Variants in OSBPL9 observed in about 807,000 individuals in gnomAD.
OSBPL9 encodes the protein oxysterol-binding protein-related protein 9.
Under a neutral mutation model 106.6 loss-of-function variants are expected in OSBPL9, and 40 were observed. That is an observed-to-expected ratio of 0.38 (90% CI 0.29 to 0.49). OSBPL9 has a LOEUF of 0.49. Among genes scored for constraint, OSBPL9 ranks in the 20% least tolerant of loss-of-function variants. The probability of loss-of-function intolerance (pLI) is 0.97; values close to 1 mark genes in which losing one functional copy is unlikely to be tolerated. For synonymous variants in OSBPL9, 269 were observed against 295.4 expected (o/e 0.91, Z 0.92); for missense variants, 609 against 887.2 (o/e 0.69, Z 3.98).
chr1:51,749,305 A>G (rs908993440), intron 7 of OSBPL9, among the ~76,000 whole-genome samples: 5 of 151,854 alleles, frequency 3.3e-5, no homozygotes, highest in Admixed American at 1.3e-4. Flanking sequence ...CCATACTTCC[A>G]TCAAAGTCTT....
intron 4 of OSBPL9, among the ~76,000 whole-genome samples, chr1:51,720,411 C>T (rs1313407754): frequency 1.3e-5 from 2 of 150,530 alleles, no homozygotes; most frequent in Non-Finnish European, 3.0e-5. Context: ...CTGCAACCTC[C>T]GCCTCCCAGG....
the OSBPL9 span, among the ~76,000 whole-genome samples, chr1:51,562,330 CCCA>C: frequency 2.6e-5 from 4 of 152,054 alleles, no homozygotes; most frequent in Non-Finnish European, 4.4e-5. Context: ...TGCTCCTGCT[CCCA>C]CCGTGTGAGA....
intron 2 of OSBPL9, among the ~76,000 whole-genome samples, chr1:51,601,994 G>A (rs1645326619): frequency 7.6e-6 from 1 of 131,918 alleles, no homozygotes; most frequent in Admixed American, 7.9e-5. Context: ...CCTCAGGCCA[G>A]TCAATTGTTC....
At chr1:51,689,143 T>C (rs1654447121) in intron 3 of OSBPL9, among the ~76,000 whole-genome samples, 1 of 152,234 alleles carries the variant, frequency 6.6e-6, no homozygotes, top group Non-Finnish European at 1.5e-5. Flanking sequence ...GAATAACATC[T>C]GTTTTCAGAA....
chr1:51,708,032 C>A, intron 3 of OSBPL9: 1 of 227,426 alleles, frequency 4.4e-6, no homozygotes, highest in South Asian at 7.5e-5. Flanking sequence ...TAGTTGAGGT[C>A]AAAGAAGGGG....
At chr1:51,550,305 A>G in the OSBPL9 span, among the ~76,000 whole-genome samples, 8,992 of 152,340 alleles carry the variant, frequency 0.059, 385 homozygotes, top group Non-Finnish European at 0.093. Context: ...GAGACTAGCA[A>G]ACTTGCAAAC....
chr1:51,603,307 T>G (rs17106697), intron 2 of OSBPL9, among the ~76,000 whole-genome samples: 7,662 of 152,316 alleles, frequency 0.05, 434 homozygotes, highest in African/African-American at 0.14. Context: ...AAACAAAAAT[T>G]CACAAAACAG....
chr1:51,737,178 G>A (rs771288560), intron 4 of OSBPL9, among the ~76,000 whole-genome samples: 3 of 151,892 alleles, frequency 2.0e-5, no homozygotes, highest in Non-Finnish European at 4.4e-5. Flanking sequence ...TTATAAATTT[G>A]CTATCCTACT....
chr1:51,740,715 A>G (rs1213997499), intron 4 of OSBPL9, among the ~76,000 whole-genome samples: 3 of 152,184 alleles, frequency 2.0e-5, no homozygotes, highest in African/African-American at 4.8e-5. Context: ...ACAATTATTC[A>G]TTTGTGAATT....
At chr1:51,652,854 T>C (rs534547336) in intron 2 of OSBPL9, among the ~76,000 whole-genome samples, 2 of 152,216 alleles carry the variant, frequency 1.3e-5, no homozygotes, top group Non-Finnish European at 2.9e-5. Context: ...AGTATCCCAT[T>C]GTATATGAAG....
At chr1:51,692,888 G>A (rs914995622) in intron 3 of OSBPL9, among the ~76,000 whole-genome samples, 7 of 152,132 alleles carry the variant, frequency 4.6e-5, no homozygotes, top group South Asian at 2.1e-4. Flanking sequence ...GAAGGGATAA[G>A]TACAATAGAG....
At chr1:51,694,390 G>A (rs533372453) in intron 3 of OSBPL9, among the ~76,000 whole-genome samples, 109 of 152,206 alleles carry the variant, frequency 7.2e-4, no homozygotes, top group African/African-American at 2.5e-3. Context: ...TGAGTTGTTC[G>A]GATTGAAGTA....
intron 3 of OSBPL9, among the ~76,000 whole-genome samples, chr1:51,701,012 T>C (rs962920470): frequency 6.6e-6 from 1 of 152,108 alleles, no homozygotes; most frequent in Non-Finnish European, 1.5e-5. Flanking sequence ...CAATCTCGGC[T>C]CACTGCAACC....
intron 3 of OSBPL9, among the ~76,000 whole-genome samples, chr1:51,703,486 T>A (rs1657763285): frequency 1.3e-5 from 2 of 152,258 alleles, no homozygotes; most frequent in Non-Finnish European, 2.9e-5. Context: ...TTTTGCACAT[T>A]GATTTTGTAT....
chr1:51,627,889 T>C (rs1486550232), intron 1 of OSBPL9, among the ~76,000 whole-genome samples: 4 of 152,226 alleles, frequency 2.6e-5, no homozygotes, highest in Non-Finnish European at 5.9e-5. Flanking sequence ...GCTTTGTTGC[T>C]AAACCCAATG....
At chr1:51,593,258 C>T (rs1164612295) in intron 1 of OSBPL9, among the ~76,000 whole-genome samples, 2 of 152,116 alleles carry the variant, frequency 1.3e-5, no homozygotes, top group Admixed American at 6.5e-5. Context: ...TTACAATAGC[C>T]TCCTGGATGG....
intron 1 of OSBPL9, among the ~76,000 whole-genome samples, chr1:51,647,833 G>A (rs1646264240): frequency 1.3e-5 from 2 of 151,660 alleles, no homozygotes; most frequent in Admixed American, 1.3e-4. Flanking sequence ...ACCAACTTTT[G>A]GCTAGGCACA....
chr1:51,782,608 C>T lies in OSBPL9; in HGVS notation c.1478C>T (p.Thr493Ile), dbSNP rs368132137. 2.5e-6 allele frequency: 4 copies of T among 1,613,992 alleles called. No individual in the cohort carries two copies. The highest frequency in any genetic ancestry group is 3.4e-6 in the Non-Finnish European group (4 of 1,179,930). ...CCCTGGGTTTCCAAAAACAGTGTAA[C>T]ATTTGTGGCTGAGCAGGTTTCCCAT... ...PVPWVSKNSV[T>I]FVAEQVSHHP... is the part of the protein sequence containing the mutation. The change falls in exon 17 of 24, where the codon ACA becomes ATA. Residue 493 changes from threonine (T) to isoleucine (I), a missense_variant. Thr to Ile is a moderately conservative substitution (Grantham distance 89, BLOSUM62 -1). Around this residue, in one of 5 missense-constraint regions of OSBPL9, gnomAD observed 356 missense variants for 505.8 expected, o/e 0.70. Transcript: ENST00000428468.
intron 1 of OSBPL9, among the ~76,000 whole-genome samples, chr1:51,581,830 C>T (rs1645222762): frequency 6.6e-6 from 1 of 152,066 alleles, no homozygotes; most frequent in South Asian, 2.1e-4. Flanking sequence ...GCTCAAATGT[C>T]GTTAGCCATT....
Sources: gnomAD v4.1 joint callset for allele counts (sites outside exome capture counted in the v4.1 genomes callset) on GRCh38, gnomAD v4.1.1 for gene constraint, gnomAD v4.1.1 regional missense constraint, MANE v1.5 for transcripts, NCBI Gene and HGNC (gene_info 2026-07-23, HGNC 2026-07-21) for gene names.